Variants in ITCH observed in about 807,000 individuals in gnomAD.
ITCH encodes the protein E3 ubiquitin-protein ligase Itchy homolog.
A neutral mutation model predicts 126.8 loss-of-function variants in ITCH; 28 were observed. The ratio of observed to expected loss-of-function variants is 0.22; its 90% CI spans 0.16 to 0.30. The LOEUF (loss-of-function observed/expected upper bound fraction) is 0.30. ITCH is among the 10% of genes least tolerant of loss of function. The probability of loss-of-function intolerance (pLI) is 1.00; values close to 1 mark genes in which losing one functional copy is unlikely to be tolerated. For synonymous variants in ITCH, 342 were observed against 340.0 expected (o/e 1.01, Z -0.06); for missense variants, 631 against 1,032.4 (o/e 0.61, Z 5.33).
intron 2 of ITCH, among the ~76,000 whole-genome samples, chr20:34,373,652 T>C (rs1359539095): frequency 6.6e-6 from 1 of 152,064 alleles, no homozygotes; most frequent in Non-Finnish European, 1.5e-5. Flanking sequence ...CTCCAGCAAC[T>C]CGCATTTTTT....
intron 13 of ITCH, among the ~76,000 whole-genome samples, chr20:34,460,352 C>CAT (rs1986395052): frequency 9.2e-6 from 1 of 108,970 alleles, no homozygotes; most frequent in South Asian, 3.0e-4. Flanking sequence ...CCACACCCAG[C>CAT]TTTTTTTTTT....
chr20:34,450,723 A>G (rs1985091165), intron 12 of ITCH, among the ~76,000 whole-genome samples: 1 of 152,204 alleles, frequency 6.6e-6, no homozygotes, highest in Non-Finnish European at 1.5e-5. Flanking sequence ...ATAAATTCAG[A>G]AAGTGATATT....
chr20:34,432,989 A>G (rs992723285), intron 7 of ITCH, among the ~76,000 whole-genome samples: 2 of 150,240 alleles, frequency 1.3e-5, no homozygotes, highest in East Asian at 4.0e-4. Context: ...AAAAAACACT[A>G]TTAAAAAGAA....
intron 23 of ITCH, among the ~76,000 whole-genome samples, chr20:34,503,484 G>A (rs1990390786): frequency 6.6e-6 from 1 of 152,140 alleles, no homozygotes; most frequent in South Asian, 2.1e-4. Flanking sequence ...GTAAGGGTAT[G>A]CCCTACAGGA....
In ITCH at chr20:34,369,384, C is replaced by T; in HGVS notation, c.-98-10C>T. The T allele has an allele frequency of 2.5e-6, 1 of 399,052 alleles. No homozygotes were observed. Among genetic ancestry groups the T allele is most frequent in the Non-Finnish European group, 4.4e-6 (1 of 226,094 alleles). The allele number at this position is 399,052 out of a possible 1,614,324, so 24.7% of individuals were successfully genotyped here. ...AGTAATGTGTTAATGGACTCTCCTT[C>T]CTTTCTCAGGTACCATGCATTTCAC... On this transcript the variant is annotated splice_polypyrimidine_tract_variant and intron_variant, in intron 1 of 24. Coordinates refer to ENST00000374864, the MANE Select transcript of ITCH (RefSeq NM_031483.7).
intron 16 of ITCH, among the ~76,000 whole-genome samples, chr20:34,472,372 TAAAAAAAAAAAAAAA>T (rs527802058): frequency 1.3e-5 from 1 of 79,690 alleles, no homozygotes; most frequent in Admixed American, 1.3e-4. Context: ...CATCTCAATT[TAAAAAAAAAAAAAAA>T]AAAAAAAAAA....
At chr20:34,444,669 A>T (rs980956963) in intron 10 of ITCH, among the ~76,000 whole-genome samples, 1 of 151,692 alleles carries the variant, frequency 6.6e-6, no homozygotes, top group Non-Finnish European at 1.5e-5. Flanking sequence ...CGAGATGGAG[A>T]CTCACTCTGT....
At chr20:34,445,195 A>T in intron 10 of ITCH, 92 bp from the exon 11 acceptor site, 1 of 1,354,368 alleles carries the variant, frequency 7.4e-7, no homozygotes, top group Non-Finnish European at 1.0e-6. Context: ...ACTCCAGATA[A>T]ATCAAAAGTA....
chr20:34,424,693 G>C (rs1387650015), intron 7 of ITCH, among the ~76,000 whole-genome samples, 168 bp downstream of exon 7: 1 of 152,198 alleles, frequency 6.6e-6, no homozygotes, highest in African/African-American at 2.4e-5. Flanking sequence ...TTAGCTTATC[G>C]GATTAGAGCT....
intron 17 of ITCH, among the ~76,000 whole-genome samples, chr20:34,478,843 T>C (rs1988467464): frequency 6.6e-6 from 1 of 152,072 alleles, no homozygotes; most frequent in Admixed American, 6.5e-5. Flanking sequence ...TAAAGGCAAT[T>C]GAAGAGGAGA....
intron 6 of ITCH, among the ~76,000 whole-genome samples, chr20:34,417,703 C>CTT (rs77967776): frequency 0.24 from 25,777 of 108,214 alleles, 3,664 homozygotes; most frequent in Admixed American, 0.39. Context: ...CCTGGCCCAG[C>CTT]TTTTTTTTTT....
chr20:34,385,189 A>ATGTG (rs150658162), intron 2 of ITCH, among the ~76,000 whole-genome samples: 239 of 101,322 alleles, frequency 2.4e-3, no homozygotes, highest in Non-Finnish European at 2.7e-3. Flanking sequence ...AGCTAATTTT[A>ATGTG]TGTGTGTGTG....
chr20:34,385,208 TG>T (rs2038230067), intron 2 of ITCH, among the ~76,000 whole-genome samples: 2 of 141,604 alleles, frequency 1.4e-5, no homozygotes, highest in Non-Finnish European at 3.0e-5. Flanking sequence ...TGTGTGTGTG[TG>T]TGTGTGTGTG....
At chr20:34,400,826 T>C (rs187018861) in intron 3 of ITCH, among the ~76,000 whole-genome samples, 2 of 152,000 alleles carry the variant, frequency 1.3e-5, no homozygotes, top group Admixed American at 1.3e-4. Context: ...GACTTGATCT[T>C]GGCTCACTGC....
chr20:34,416,266 C>T (rs1467545098), intron 6 of ITCH, among the ~76,000 whole-genome samples: 1 of 152,070 alleles, frequency 6.6e-6, no homozygotes, highest in Non-Finnish European at 1.5e-5. Flanking sequence ...GGCGTGGTGG[C>T]GCATGCCTGT....
At position 34,370,792 on chromosome 20, in the gene ITCH, T is replaced by G. The variant is rs182278345; in HGVS notation, c.-22+1322T>G. On this transcript the variant is annotated intron_variant, in intron 2 of 24. Coordinates refer to ENST00000374864, the MANE Select transcript of ITCH (RefSeq NM_031483.7). ...AAGGTCAGGAGAGAAGGAAGACTAC[T>G]GGGTAAGAAAAAAAAAGTAGAACAT... 7.2e-5 allele frequency among the ~76,000 whole-genome samples: 11 copies of G among 151,728 alleles called. No homozygotes were observed. The East Asian group carries it at 2.1e-3, about 29-fold the overall frequency.
intron 7 of ITCH, among the ~76,000 whole-genome samples, chr20:34,432,763 C>CT (rs1484908037): frequency 1.3e-5 from 2 of 151,714 alleles, no homozygotes; most frequent in African/African-American, 4.8e-5. Context: ...CGAGACCAGC[C>CT]TGGGTGACAT....
At chr20:34,450,200 GTTATAT>G (rs772838831) in intron 12 of ITCH, among the ~76,000 whole-genome samples, 17 of 152,272 alleles carry the variant, frequency 1.1e-4, no homozygotes, top group Non-Finnish European at 2.2e-4. Flanking sequence ...GCTGTACGTA[GTTATAT>G]AAGATGTCAC....
At chr20:34,465,002 G>A (rs529837599) in intron 14 of ITCH, among the ~76,000 whole-genome samples, 8 of 152,246 alleles carry the variant, frequency 5.3e-5, no homozygotes, top group Admixed American at 2.6e-4. Flanking sequence ...GAGCCACCGC[G>A]CCTGGCCTGA....
Sources: gnomAD v4.1 joint callset for allele counts (sites outside exome capture counted in the v4.1 genomes callset) on GRCh38, gnomAD v4.1.1 for gene constraint, MANE v1.5 for transcripts, NCBI Gene and HGNC (gene_info 2026-07-23, HGNC 2026-07-21) for gene names.